Variants in ENTHD1 observed in about 807,000 individuals in gnomAD.
ENTHD1 encodes the protein ENTH domain-containing protein 1.
In ENTHD1, 23 loss-of-function variants were observed where a neutral mutation model predicts 39.1. The observed-to-expected ratio is 0.59, with a 90% CI of 0.42 to 0.83. The LOEUF (loss-of-function observed/expected upper bound fraction) is 0.83, where lower values mean the gene tolerates loss of function less well. Among genes scored for constraint, ENTHD1 ranks in the 40% least tolerant of loss-of-function variants. The pLI, the probability that ENTHD1 is intolerant of heterozygous loss-of-function variation, is 0.00. For missense variants in ENTHD1, 624 were observed against 705.4 expected, an observed-to-expected ratio of 0.88 and a Z score of 1.31; for synonymous variants, 230 against 258.2, an observed-to-expected ratio of 0.89 and a Z score of 1.05.
At chr22:39,835,778 T>C in intron 4 of ENTHD1, 62 bp downstream of exon 4, 1 of 1,211,484 alleles carries the variant, frequency 8.3e-7, no homozygotes, top group Non-Finnish European at 1.2e-6. Context: ...TAAATTTGTT[T>C]GTTTTAAGGC....
At chr22:39,823,821 A>G (rs2065802241) in intron 4 of ENTHD1, among the ~76,000 whole-genome samples, 1 of 152,234 alleles carries the variant, frequency 6.6e-6, no homozygotes, top group African/African-American at 2.4e-5. Context: ...TCTCACTAGC[A>G]TTTAGTGTTG....
At chr22:39,808,702 G>A (rs1467073472) in intron 5 of ENTHD1, among the ~76,000 whole-genome samples, 1 of 152,152 alleles carries the variant, frequency 6.6e-6, no homozygotes, top group Non-Finnish European at 1.5e-5. Flanking sequence ...AAAAGTCAGT[G>A]TCTCTTAATA....
At chr22:39,768,915 T>G (rs2065299671) in intron 5 of ENTHD1, among the ~76,000 whole-genome samples, 1 of 152,036 alleles carries the variant, frequency 6.6e-6, no homozygotes, top group Non-Finnish European at 1.5e-5. Flanking sequence ...GATGAACTAA[T>G]GCCAATGAAC....
intron 1 of ENTHD1, among the ~76,000 whole-genome samples, chr22:39,888,812 C>G (rs1314600054): frequency 6.6e-6 from 1 of 152,110 alleles, no homozygotes; most frequent in East Asian, 1.9e-4. Flanking sequence ...CTCAAGTGAT[C>G]CTCCCACTTC....
intron 6 of ENTHD1, among the ~76,000 whole-genome samples, chr22:39,755,756 G>C (rs28562152): frequency 1.3e-5 from 2 of 152,144 alleles, no homozygotes; most frequent in Non-Finnish European, 2.9e-5. Context: ...AATAATAATA[G>C]CAAATTTTAC....
intron 5 of ENTHD1, among the ~76,000 whole-genome samples, chr22:39,777,658 T>C (rs1193962586): frequency 1.3e-5 from 2 of 152,148 alleles, no homozygotes; most frequent in African/African-American, 2.4e-5. Context: ...ATAAAGGTGC[T>C]TTTTAAAAAA....
intron 1 of ENTHD1, among the ~76,000 whole-genome samples, chr22:39,890,776 A>G (rs747386297): frequency 3.3e-5 from 5 of 152,158 alleles, no homozygotes; most frequent in Non-Finnish European, 5.9e-5. Flanking sequence ...ATCGCAAGGA[A>G]AAAGGTCTAG....
chr22:39,863,432 T>A (rs1231190051), intron 2 of ENTHD1, among the ~76,000 whole-genome samples: 1 of 152,178 alleles, frequency 6.6e-6, no homozygotes, highest in African/African-American at 2.4e-5. Context: ...TCCTTAACCA[T>A]CTGTGTGACT....
chr22:39,811,401 G>A (rs2065684932), intron 5 of ENTHD1, among the ~76,000 whole-genome samples: 1 of 152,200 alleles, frequency 6.6e-6, no homozygotes, highest in African/African-American at 2.4e-5. Context: ...AGTGCCTGAG[G>A]CAGACAGGTG....
intron 5 of ENTHD1, among the ~76,000 whole-genome samples, chr22:39,765,997 A>G (rs1168326326): frequency 7.7e-6 from 1 of 130,172 alleles, no homozygotes; most frequent in Non-Finnish European, 1.6e-5. Flanking sequence ...ATACTGGTCT[A>G]TCCTTACAGA....
chr22:39,835,916 T>A lies in ENTHD1; in HGVS notation c.635A>T (p.Asp212Val). 1 of 1,609,994 alleles carries A rather than the reference T, an allele frequency of 6.2e-7. No homozygotes were observed. The highest frequency in any genetic ancestry group is 8.5e-7 in the Non-Finnish European group (1 of 1,177,886). ...KAGLKQEHCQ[D>V]VHLPTETMLS... ...CATAGTTTCTGTAGGCAAATGAACA[T>A]CTTGGCAATGCTCTTGTTTCAATCC... Residue 212 changes from aspartate (D) to valine (V), a missense_variant, in exon 4 of 7, where the codon GAT (aspartate) becomes GTT (valine). Asp to Val is a radical substitution (Grantham distance 152). Coordinates refer to ENST00000325157, the MANE Select transcript of ENTHD1 (RefSeq NM_152512.4).
At chr22:39,880,510 CG>C (rs1418276346) in intron 2 of ENTHD1, among the ~76,000 whole-genome samples, 1 of 152,074 alleles carries the variant, frequency 6.6e-6, no homozygotes, top group African/African-American at 2.4e-5. Flanking sequence ...GTACGTTCAT[CG>C]ATTGTAACAA....
intron 6 of ENTHD1, among the ~76,000 whole-genome samples, chr22:39,754,818 C>T (rs955064657): frequency 6.6e-5 from 10 of 152,152 alleles, no homozygotes; most frequent in African/African-American, 2.2e-4. Context: ...CCAATTTCAC[C>T]GGCCAGATCA....
At chr22:39,793,001 A>C (rs142177764) in intron 5 of ENTHD1, among the ~76,000 whole-genome samples, 1 of 152,160 alleles carries the variant, frequency 6.6e-6, no homozygotes, top group East Asian at 1.9e-4. Context: ...TTTCTGAGAA[A>C]TCTCCCTATA....
chr22:39,792,112 C>T (rs2065509246), intron 5 of ENTHD1, among the ~76,000 whole-genome samples: 1 of 152,042 alleles, frequency 6.6e-6, no homozygotes, highest in African/African-American at 2.4e-5. Flanking sequence ...GTATATGTAC[C>T]ACATTTTCTT....
chr22:39,846,611 T>C (rs1452724838), intron 3 of ENTHD1, among the ~76,000 whole-genome samples: 1 of 152,210 alleles, frequency 6.6e-6, no homozygotes. Flanking sequence ...AGGTTTTTTA[T>C]GGTTTTAGGT....
intron 2 of ENTHD1, among the ~76,000 whole-genome samples, chr22:39,872,919 T>C (rs1601659878): frequency 1.3e-5 from 2 of 151,660 alleles, no homozygotes; most frequent in South Asian, 4.2e-4. Flanking sequence ...AACCTCAAAC[T>C]CTTGGGCTCA....
chr22:39,758,796 G>A (rs1471178278), intron 6 of ENTHD1, among the ~76,000 whole-genome samples: 1 of 152,064 alleles, frequency 6.6e-6, no homozygotes, highest in Non-Finnish European at 1.5e-5. Flanking sequence ...TTCATAGTTT[G>A]CTTAAATTTT....
At chr22:39,819,789 C>T (rs1287825832) in intron 5 of ENTHD1, among the ~76,000 whole-genome samples, 1 of 152,174 alleles carries the variant, frequency 6.6e-6, no homozygotes. Flanking sequence ...AAATGTACCA[C>T]TCTGGTGTGG....
Sources: gnomAD v4.1 joint callset for allele counts (sites outside exome capture counted in the v4.1 genomes callset) on GRCh38, gnomAD v4.1.1 for gene constraint, MANE v1.5 for transcripts, NCBI Gene and HGNC (gene_info 2026-07-23, HGNC 2026-07-21) for gene names.